The following MYO3A variants were observed in gnomAD, a reference collection of about 807,000 sequenced individuals.
MYO3A encodes the protein myosin IIIA.
MYO3A carries 180 observed loss-of-function variants against 192.7 expected under a neutral mutation model. The ratio of observed to expected loss-of-function variants is 0.93; its 90% CI spans 0.83 to 1.06. MYO3A has a LOEUF of 1.06. MYO3A is among the 50% of genes least tolerant of loss of function. The pLI is 0.00. For synonymous variants in MYO3A, 628 were observed against 645.3 expected (o/e 0.97, Z 0.41); for missense variants, 1,896 against 1,905.0 (o/e 1.00, Z 0.09).
intron 4 of MYO3A, among the ~76,000 whole-genome samples, chr10:25,973,939 T>C (rs1343525736): frequency 6.6e-6 from 1 of 152,086 alleles, no homozygotes; most frequent in African/African-American, 2.4e-5. Flanking sequence ...CAGAAATTAA[T>C]GCAAGATGGA....
At chr10:26,207,861 G>C (rs1277905974) in intron 34 of MYO3A, among the ~76,000 whole-genome samples, 1 of 152,068 alleles carries the variant, frequency 6.6e-6, no homozygotes, top group East Asian at 1.9e-4. Context: ...GATTGCTGTG[G>C]GTAGTATGAG....
At chr10:26,131,610 T>C (rs1350461618) in intron 20 of MYO3A, among the ~76,000 whole-genome samples, 1 of 152,288 alleles carries the variant, frequency 6.6e-6, no homozygotes, top group Middle Eastern at 3.4e-3. Context: ...ATTTTCCTTA[T>C]TATCTAGATA....
chr10:26,070,092 T>C lies in MYO3A; in HGVS notation c.1171-19T>C. 1 of 1,546,480 alleles carries C rather than the reference T, an allele frequency of 6.5e-7. No individual in the cohort carries two copies. Among genetic ancestry groups the C allele is most frequent in the African/African-American group, 1.4e-5 (1 of 73,398 alleles). On this transcript the variant is annotated intron_variant, in intron 12 of 34. Transcript: ENST00000642920. Reference sequence around the variant, plus strand: ...TAAAAACAAAAAGCCCTACAAAATGTATTCTTTTTAACCTTTAGCATTCCA... The same window carrying C: ...TAAAAACAAAAAGCCCTACAAAATGCATTCTTTTTAACCTTTAGCATTCCA...
At chr10:26,103,115 C>A (rs1373795683) in intron 17 of MYO3A, among the ~76,000 whole-genome samples, 1 of 152,226 alleles carries the variant, frequency 6.6e-6, no homozygotes, top group Non-Finnish European at 1.5e-5. Context: ...AGCCTTGCTG[C>A]CACCTTGCAG....
intron 2 of MYO3A, among the ~76,000 whole-genome samples, chr10:25,950,067 A>G (rs577753755): frequency 6.6e-6 from 1 of 152,262 alleles, no homozygotes; most frequent in South Asian, 2.1e-4. Context: ...CTTACATTCT[A>G]ATGAAAGAAT....
chr10:26,211,510 T>C (rs1844216206), intron 34 of MYO3A, among the ~76,000 whole-genome samples: 1 of 152,192 alleles, frequency 6.6e-6, no homozygotes, highest in Non-Finnish European at 1.5e-5. Context: ...AATTAAGGTA[T>C]TAAAATAAAT....
At chr10:26,188,959 T>G (rs1003017526) in intron 31 of MYO3A, among the ~76,000 whole-genome samples, 4 of 152,194 alleles carry the variant, frequency 2.6e-5, no homozygotes, top group African/African-American at 9.7e-5. Context: ...TAGGATTGAC[T>G]TGGCAATGTG....
intron 28 of MYO3A, among the ~76,000 whole-genome samples, chr10:26,169,596 C>T (rs1239560435): frequency 6.6e-6 from 1 of 152,188 alleles, no homozygotes; most frequent in Non-Finnish European, 1.5e-5. Flanking sequence ...TTATGATCCA[C>T]TAATGGTTTG....
chr10:26,027,499 C>T (rs1042093676), intron 10 of MYO3A, among the ~76,000 whole-genome samples: 1 of 151,950 alleles, frequency 6.6e-6, no homozygotes, highest in Non-Finnish European at 1.5e-5. Flanking sequence ...CATGTACCAC[C>T]GTGCCTGGCT....
At position 26,021,761 on chromosome 10, in the gene MYO3A, A is replaced by C. The variant is rs572683947; in HGVS notation, c.731+113A>C. 4.1e-5 allele frequency: 57 copies of C among 1,394,524 alleles called. No individual in the cohort carries two copies. The African/African-American group carries it at 7.4e-4, about 18-fold the overall frequency. The allele number at this position is 1,394,524 out of a possible 1,614,324, so 86.4% of individuals were successfully genotyped here. ...TTCAGATATATTCCAACAAGTTGGG[A>C]GCAGAAGATCCTGGAATATTATTCT... On this transcript the variant is annotated intron_variant, in intron 8 of 34. Transcript: ENST00000642920.
At chr10:25,957,976 C>T (rs1366773079) in intron 4 of MYO3A, among the ~76,000 whole-genome samples, 3 of 152,076 alleles carry the variant, frequency 2.0e-5, no homozygotes, top group Non-Finnish European at 2.9e-5. Context: ...CTTACAGATG[C>T]TGGATATTAG....
chr10:26,154,813 C>G lies in MYO3A; in HGVS notation c.2783C>G (p.Ser928Ter), dbSNP rs778110879. Reference protein sequence around the residue: ...TTNMKTQTVASYFRYSLMDLL... With the variant: ...TTNMKTQTVA ...AACATGAAAACACAAACGGTTGCAT[C>G]ATATTTTAGAGTAAGATATTAAACT... Residue 928 changes from serine (S) to a stop codon, truncating the protein, a stop_gained, in exon 25 of 35, where the codon TCA becomes TGA. Transcript: ENST00000642920. LOFTEE classifies it high-confidence loss of function. 24 of 1,612,268 alleles carry G rather than the reference C, an allele frequency of 1.5e-5. No individual in the cohort carries two copies. The highest frequency in any genetic ancestry group is 2.0e-5 in the Non-Finnish European group (24 of 1,178,898).
In MYO3A at chr10:26,121,017, A is replaced by G. The variant is rs561968351; in HGVS notation, c.1903+215A>G. On this transcript the variant is annotated intron_variant, in intron 18 of 34. Transcript: ENST00000642920. The stretch of plus-strand genomic sequence containing the variant: ...CTGATTACTGTAGAACACATTTCTG[A>G]AGACTAGGCTTTTACAACTATTTTG... Among the ~76,000 whole-genome samples the G allele has an allele frequency of 2.0e-5, 3 of 152,292 alleles. No homozygotes were observed. The East Asian group carries it at 5.8e-4, about 29-fold the overall frequency.
intron 10 of MYO3A, among the ~76,000 whole-genome samples, chr10:26,056,554 C>G (rs2131315758): frequency 6.6e-6 from 1 of 152,236 alleles, no homozygotes; most frequent in East Asian, 1.9e-4. Context: ...AATGGCAGGG[C>G]ATATGTCCCA....
At chr10:25,999,826 G>A (rs973248728) in intron 6 of MYO3A, among the ~76,000 whole-genome samples, 1 of 152,084 alleles carries the variant, frequency 6.6e-6, no homozygotes, top group African/African-American at 2.4e-5. Context: ...TGCTCAAAAC[G>A]AAAATCTTAA....
At chr10:25,954,609 A>C (rs1334797644) in intron 3 of MYO3A, among the ~76,000 whole-genome samples, 1 of 152,138 alleles carries the variant, frequency 6.6e-6, no homozygotes, top group African/African-American at 2.4e-5. Context: ...GTTTACTTAT[A>C]ATTGCAAATA....
intron 34 of MYO3A, among the ~76,000 whole-genome samples, chr10:26,208,637 G>A (rs868358053): frequency 2.6e-4 from 39 of 152,206 alleles, no homozygotes; most frequent in Non-Finnish European, 2.2e-4. Flanking sequence ...ACTCAGAAGA[G>A]GATGATCTGC....
chr10:26,153,656 T>C (rs899019383), intron 23 of MYO3A, among the ~76,000 whole-genome samples, 194 bp from the exon 24 acceptor site: 6 of 152,234 alleles, frequency 3.9e-5, no homozygotes, highest in African/African-American at 1.4e-4. Context: ...AGTTTTTTTC[T>C]GAATTTAAAA....
At chr10:26,143,065 T>C (rs1424358029) in intron 20 of MYO3A, among the ~76,000 whole-genome samples, 2 of 152,138 alleles carry the variant, frequency 1.3e-5, no homozygotes, top group Non-Finnish European at 2.9e-5. Flanking sequence ...GCGCGGTGGC[T>C]CATGCCTGTA....
Sources: gnomAD v4.1 joint callset for allele counts (sites outside exome capture counted in the v4.1 genomes callset) on GRCh38, gnomAD v4.1.1 for gene constraint, MANE v1.5 for transcripts, NCBI Gene and HGNC (gene_info 2026-07-23, HGNC 2026-07-21) for gene names.